Variants in CSMD1 observed in about 807,000 individuals in gnomAD.
CSMD1 encodes CUB and sushi domain-containing protein 1.
In CSMD1, 213 loss-of-function variants were observed where a neutral mutation model predicts 417.5. The ratio of observed to expected loss-of-function variants is 0.51; its 90% CI spans 0.46 to 0.57. CSMD1 has a LOEUF of 0.57. Ranked by LOEUF, CSMD1 falls within the 20% of genes least tolerant of loss-of-function variation. The pLI is 0.00. For missense variants in CSMD1, 6,923 were observed against 4,529.7 expected, an observed-to-expected ratio of 1.53 and a Z score of -15.17; for synonymous variants, 2,862 against 1,736.8, an observed-to-expected ratio of 1.65 and a Z score of -16.11.
intron 69 of CSMD1, among the ~76,000 whole-genome samples, chr8:2,940,702 A>G (rs142742915): frequency 2.6e-5 from 4 of 152,326 alleles, no homozygotes; most frequent in Non-Finnish European, 1.5e-5. Context: ...TTTATGTATA[A>G]ATATGCATAT....
At chr8:3,189,139 G>T (rs758127096) in intron 34 of CSMD1, 128 bp from the exon 35 acceptor site, 2 of 770,510 alleles carry the variant, frequency 2.6e-6, no homozygotes, top group Non-Finnish European at 3.9e-6. Flanking sequence ...ACGTTAAACG[G>T]CACTTTTAGC....
intron 10 of CSMD1, among the ~76,000 whole-genome samples, chr8:3,559,283 G>T (rs1799364347): frequency 6.6e-6 from 1 of 152,180 alleles, no homozygotes; most frequent in Non-Finnish European, 1.5e-5. Flanking sequence ...TGCCCTTGGT[G>T]TGAACATGAA....
chr8:4,887,657 G>T (rs1485045274), intron 1 of CSMD1, among the ~76,000 whole-genome samples: 2 of 151,568 alleles, frequency 1.3e-5, no homozygotes, highest in Non-Finnish European at 2.9e-5. Context: ...TACTGGTTTT[G>T]CTTTATTTAT....
chr8:3,943,898 G>C (rs1412216211), intron 5 of CSMD1, among the ~76,000 whole-genome samples: 9 of 152,082 alleles, frequency 5.9e-5, no homozygotes, highest in Non-Finnish European at 5.9e-5. Flanking sequence ...AATGCAACCT[G>C]TGATGCTGAA....
intron 1 of CSMD1, among the ~76,000 whole-genome samples, chr8:4,807,567 G>A (rs920134090): frequency 4.6e-5 from 7 of 152,116 alleles, no homozygotes; most frequent in African/African-American, 1.2e-4. Context: ...GTGGGCCTGA[G>A]CTTTGGAATG....
chr8:2,937,252 C>T lies in CSMD1; in HGVS notation c.*1333G>A, dbSNP rs1272713142. On this transcript the variant is annotated 3_prime_UTR_variant, in exon 70 of 70. Transcript: ENST00000635120. ...TACCTTTCCATCTGGAATCATAAAG[C>T]ATGAAACAAATAACAAATGAATGTA... 1 of 151,978 alleles carries T rather than the reference C, an allele frequency of 6.6e-6. No homozygotes were observed. The highest frequency in any genetic ancestry group is 1.5e-5 in the Non-Finnish European group (1 of 67,980). The allele number at this position is 151,978 out of a possible 1,614,324, so 9.4% of individuals were successfully genotyped here.
chr8:4,124,583 C>G (rs13276808), intron 3 of CSMD1, among the ~76,000 whole-genome samples: 11 of 152,146 alleles, frequency 7.2e-5, no homozygotes, highest in African/African-American at 2.7e-4. Context: ...TGGGGACCAT[C>G]TGGGGTTTCC....
chr8:3,936,354 C>T (rs2688304), intron 5 of CSMD1, among the ~76,000 whole-genome samples: 3 of 152,032 alleles, frequency 2.0e-5, no homozygotes, highest in Non-Finnish European at 4.4e-5. Flanking sequence ...TATTAGAAGA[C>T]GATACCATCT....
chr8:2,979,393 G>A (rs1484533866), intron 54 of CSMD1, among the ~76,000 whole-genome samples: 4 of 152,194 alleles, frequency 2.6e-5, no homozygotes, highest in Admixed American at 1.3e-4. Context: ...AGTCTTCTGC[G>A]GCATGCGGGA....
intron 1 of CSMD1, among the ~76,000 whole-genome samples, chr8:4,785,802 C>G (rs1271880880): frequency 6.6e-6 from 1 of 151,952 alleles, no homozygotes; most frequent in Admixed American, 6.6e-5. Context: ...TAAGTGTTGC[C>G]CAGACTCGTT....
chr8:3,942,204 T>G (rs1298867303), intron 5 of CSMD1, among the ~76,000 whole-genome samples: 4 of 151,942 alleles, frequency 2.6e-5, no homozygotes, highest in African/African-American at 9.7e-5. Flanking sequence ...TACATTATGG[T>G]GACTTGTATT....
chr8:3,681,075 C>T (rs1411361066), intron 7 of CSMD1, among the ~76,000 whole-genome samples: 1 of 152,146 alleles, frequency 6.6e-6, no homozygotes, highest in Admixed American at 6.6e-5. Context: ...AACCCACAGC[C>T]AATATCATAC....
At chr8:4,670,661 T>G (rs1057004332) in intron 1 of CSMD1, among the ~76,000 whole-genome samples, 1 of 152,226 alleles carries the variant, frequency 6.6e-6, no homozygotes, top group Non-Finnish European at 1.5e-5. Flanking sequence ...TATAAAATGT[T>G]CATCCAAATA....
At chr8:3,842,861 A>T (rs1244077232) in intron 5 of CSMD1, among the ~76,000 whole-genome samples, 2 of 152,196 alleles carry the variant, frequency 1.3e-5, no homozygotes, top group Non-Finnish European at 2.9e-5. Context: ...ATATAGGATT[A>T]ATATCATTTG....
intron 51 of CSMD1, among the ~76,000 whole-genome samples, chr8:3,020,342 G>C (rs1273579813): frequency 6.6e-6 from 1 of 152,162 alleles, no homozygotes; most frequent in African/African-American, 2.4e-5. Context: ...AAAATAAAGT[G>C]ATGCATGTAC....
At chr8:3,336,558 G>T (rs1377446109) in intron 23 of CSMD1, among the ~76,000 whole-genome samples, 1 of 152,184 alleles carries the variant, frequency 6.6e-6, no homozygotes, top group Non-Finnish European at 1.5e-5. Context: ...ATTGAACAGA[G>T]TAAGGAACTA....
intron 23 of CSMD1, among the ~76,000 whole-genome samples, chr8:3,321,801 A>G (rs956091820): frequency 5.3e-5 from 8 of 152,206 alleles, no homozygotes; most frequent in Admixed American, 4.6e-4. Context: ...AAGTGAGCTG[A>G]TTTTCAAAAT....
intron 1 of CSMD1, among the ~76,000 whole-genome samples, chr8:4,700,696 T>C (rs1807470949): frequency 6.6e-6 from 1 of 152,198 alleles, no homozygotes; most frequent in South Asian, 2.1e-4. Context: ...CTGTATATGA[T>C]ATTCAGAAAC....
chr8:3,962,730 T>G (rs1178042597), intron 5 of CSMD1, among the ~76,000 whole-genome samples: 1 of 152,108 alleles, frequency 6.6e-6, no homozygotes, highest in Non-Finnish European at 1.5e-5. Context: ...CTCTTCGGGT[T>G]GGACTCAAGG....
Sources: allele counts gnomAD v4.1 joint callset (sites outside exome capture counted in the v4.1 genomes callset), GRCh38; gene constraint gnomAD v4.1.1; transcripts MANE v1.5; gene names NCBI Gene and HGNC (gene_info 2026-07-23, HGNC 2026-07-21).